Variants in OTULIN observed in about 807,000 individuals in gnomAD.
OTULIN encodes OTU deubiquitinase with linear linkage specificity.
In OTULIN, 15 loss-of-function variants were observed where a neutral mutation model predicts 39.6. That is an observed-to-expected ratio of 0.38 (90% CI 0.25 to 0.58). OTULIN has a LOEUF of 0.58. Among genes scored for constraint, OTULIN ranks in the 20% least tolerant of loss-of-function variants. OTULIN has a pLI of 0.66. For synonymous variants in OTULIN, 156 were observed against 170.3 expected (o/e 0.92, Z 0.65); for missense variants, 319 against 445.9 (o/e 0.72, Z 2.56).
At position 14,687,567 on chromosome 5, in the gene OTULIN, A is replaced by G; in HGVS notation, c.515A>G (p.Lys172Arg). The change falls in exon 5 of 7, where the codon AAA becomes AGA. Residue 172 changes from lysine to arginine, a missense_variant. Lys to Arg is a conservative substitution (Grantham distance 26). Coordinates refer to ENST00000284274, the MANE Select transcript of OTULIN (RefSeq NM_138348.6). ...AAATACAACTGGATCAAGCAATGGAAACTTGGACTGAAATTTGATGGGAAG... is the reference window on the plus strand; with the variant it reads ...AAATACAACTGGATCAAGCAATGGAGACTTGGACTGAAATTTGATGGGAAG... ...ISKYNWIKQW[K>R]LGLKFDGKNE... is the part of the protein sequence containing the mutation. 6.2e-7 allele frequency: 1 copy of G among 1,614,156 alleles called. No homozygotes were observed. Among genetic ancestry groups the G allele is most frequent in the African/African-American group, 1.3e-5 (1 of 75,040 alleles).
chr5:14,680,320 C>T (rs1375806785), intron 3 of OTULIN, among the ~76,000 whole-genome samples: 4 of 152,252 alleles, frequency 2.6e-5, no homozygotes, highest in Admixed American at 2.6e-4. Context: ...CTTTTATATT[C>T]ACTTAAAACA....
the OTULIN span, chr5:14,713,792 C>T: frequency 3.5e-4 from 470 of 1,348,816 alleles, no homozygotes; most frequent in Non-Finnish European, 4.6e-4. This position sits in a 1 kb window ranked among gnomAD's most constrained non-coding sequence, Gnocchi z 4.4. Context: ...TGCTGTTGAG[C>T]CGCTGGCCAC....
intron 2 of OTULIN, among the ~76,000 whole-genome samples, chr5:14,678,358 T>C (rs1736158086): frequency 6.6e-6 from 1 of 152,176 alleles, no homozygotes; most frequent in South Asian, 2.1e-4. Context: ...AATAAGGCCA[T>C]GAGGCAGGAG....
At chr5:14,689,241 A>C (rs1163195741) in intron 5 of OTULIN, among the ~76,000 whole-genome samples, 2 of 152,196 alleles carry the variant, frequency 1.3e-5, no homozygotes, top group African/African-American at 4.8e-5. Context: ...ACAGACAAGC[A>C]AGTACCAGCC....
downstream of OTULIN, among the ~76,000 whole-genome samples, chr5:14,704,367 G>GTAA (rs1736878303): frequency 7.2e-6 from 1 of 139,494 alleles, no homozygotes; most frequent in African/African-American, 2.6e-5. Flanking sequence ...TGATAAAAGA[G>GTAA]TAATGCTTTT....
intron 3 of OTULIN, among the ~76,000 whole-genome samples, chr5:14,680,342 C>T (rs25941): frequency 0.043 from 6,493 of 152,224 alleles, 189 homozygotes; most frequent in Admixed American, 0.084. Context: ...CATCCTATGA[C>T]TTGAACCTTG....
Position 14,690,326 on chromosome 5 carries a change from G to A in OTULIN, c.864+18G>A. ...TTGAACAGGTAAGTTGTGCTTTTGA[G>A]CATGTATTACCCCAAAATAAAGCAG... On this transcript the variant is annotated intron_variant, in intron 6 of 6. Transcript: ENST00000284274. This position sits in a 1 kb window ranked among gnomAD's most constrained non-coding sequence, Gnocchi z 4.5. The A allele has an allele frequency of 1.2e-6, 2 of 1,609,202 alleles. No individual in the cohort carries two copies. The highest frequency in any genetic ancestry group is 1.7e-6 in the Non-Finnish European group (2 of 1,177,442).
the OTULIN span, chr5:14,706,248 T>G: frequency 6.6e-6 from 1 of 152,250 alleles, no homozygotes; most frequent in Non-Finnish European, 1.5e-5. Flanking sequence ...TATGTGTAGC[T>G]GACAGCCACC....
At chr5:14,668,179 T>C (rs1336730810) in intron 1 of OTULIN, among the ~76,000 whole-genome samples, 3 of 152,208 alleles carry the variant, frequency 2.0e-5, no homozygotes, top group South Asian at 2.1e-4. Flanking sequence ...ACTGTTGTTC[T>C]TGTGGATGTA....
At chr5:14,702,081 G>A (rs1279895071), downstream of OTULIN, among the ~76,000 whole-genome samples, 6 of 152,204 alleles carry the variant, frequency 3.9e-5, no homozygotes, top group Non-Finnish European at 8.8e-5. Context: ...AGCCCCCTGA[G>A]CCGAGCTGCT....
intron 4 of OTULIN, among the ~76,000 whole-genome samples, chr5:14,683,512 T>C (rs1014140592): frequency 6.6e-6 from 1 of 152,204 alleles, no homozygotes; most frequent in Non-Finnish European, 1.5e-5. Context: ...GATTTCACTG[T>C]TTTTGCTTTG....
chr5:14,690,214 C>T lies in OTULIN; in HGVS notation c.770C>T (p.Ser257Phe). 1 of 1,614,178 alleles carries T rather than the reference C, an allele frequency of 6.2e-7. No homozygotes were observed. Among genetic ancestry groups the T allele is most frequent in the South Asian group, 1.1e-5 (1 of 91,078 alleles). Residue 257 changes from serine (S) to phenylalanine (F), a missense_variant, in exon 6 of 7, where the codon TCT (serine) becomes TTT (phenylalanine). By Grantham distance (155) the Ser-to-Phe change is radical. Coordinates refer to ENST00000284274, the MANE Select transcript of OTULIN (RefSeq NM_138348.6). The surrounding 1 kb of genome is among the most constrained non-coding windows in gnomAD (Gnocchi z 4.5). The stretch of plus-strand genomic sequence containing the variant: ...AAAGGAAAGGAAGTACCATTTTTCT[C>T]TGTGCTTCTGTTTGCTCGGGACACA... The part of the protein sequence containing the change: ...KEKGKEVPFF[S>F]VLLFARDTSN...
the OTULIN span, chr5:14,705,381 A>G: frequency 6.6e-6 from 1 of 152,236 alleles, no homozygotes; most frequent in Non-Finnish European, 1.5e-5. Flanking sequence ...ACGACGTTCT[A>G]AATCCTAGAT....
chr5:14,699,919 T>C (rs748345666), downstream of OTULIN, among the ~76,000 whole-genome samples: 6 of 152,230 alleles, frequency 3.9e-5, no homozygotes, highest in Non-Finnish European at 8.8e-5. Context: ...GCCTGTGTGC[T>C]TGAGACGTCT....
At chr5:14,678,560 T>A in intron 2 of OTULIN, 121 bp from the exon 3 acceptor site, 2 of 698,782 alleles carry the variant, frequency 2.9e-6, no homozygotes, top group Non-Finnish European at 4.7e-6. Context: ...AGTGGTTGAA[T>A]TCTGGATTTT....
chr5:14,711,360 A>T, the OTULIN span: 1 of 1,498,712 alleles, frequency 6.7e-7, no homozygotes, highest in Non-Finnish European at 9.3e-7. Flanking sequence ...GGGACACTGC[A>T]CAGCAGAACC....
At chr5:14,709,724 G>A in the OTULIN span, 2 of 152,528 alleles carry the variant, frequency 1.3e-5, no homozygotes, top group African/African-American at 2.4e-5. Context: ...TGCAAATGAC[G>A]GACTTTATAA....
downstream of OTULIN, among the ~76,000 whole-genome samples, chr5:14,703,755 A>G (rs534295972): frequency 1.9e-3 from 285 of 152,318 alleles, 1 homozygote; most frequent in African/African-American, 6.6e-3. Flanking sequence ...TGGACATGGC[A>G]TAGCCCATGC....
chr5:14,676,301 C>T (rs1214305251), intron 2 of OTULIN, among the ~76,000 whole-genome samples: 1 of 152,222 alleles, frequency 6.6e-6, no homozygotes, highest in Non-Finnish European at 1.5e-5. Context: ...ACAGCAGCGT[C>T]TGTGTAGTTT....
Sources: gnomAD v4.1 joint callset for allele counts (sites outside exome capture counted in the v4.1 genomes callset) on GRCh38, gnomAD v4.1.1 for gene constraint, Gnocchi (gnomAD v3.1) non-coding constraint, MANE v1.5 for transcripts, NCBI Gene and HGNC (gene_info 2026-07-23, HGNC 2026-07-21) for gene names.